Variants in ZNF431 observed in about 807,000 individuals in gnomAD.
ZNF431 encodes zinc finger protein 431.
In ZNF431, 34 loss-of-function variants were observed where a neutral mutation model predicts 57.0. The ratio of observed to expected loss-of-function variants is 0.60; its 90% confidence interval spans 0.45 to 0.79. ZNF431 has a LOEUF of 0.79. Ranked by LOEUF, ZNF431 falls within the 30% of genes least tolerant of loss-of-function variation. ZNF431 has a pLI of 0.00. For synonymous variants in ZNF431, 207 were observed against 220.3 expected (o/e 0.94, Z 0.54); for missense variants, 607 against 667.1 (o/e 0.91, Z 0.99).
chr19:21,154,026 AT>A lies in ZNF431; in HGVS notation c.96+10393del, dbSNP rs954029324. On this transcript the variant is annotated intron_variant, in intron 2 of 4. Transcript: ENST00000311048. ...CCGCCGCACCCATTGGGAGTCCCCA[AT>A]TTTTTTTTTATTATACTTTAAGTTT... Among the ~76,000 whole-genome samples, 144 of 151,068 alleles carry A rather than the reference AT, an allele frequency of 9.5e-4. 2 individuals are homozygous for A. The highest frequency in any genetic ancestry group is 3.4e-3 in the Middle Eastern group (1 of 290).
chr19:21,144,925 A>T (rs548271114), intron 2 of ZNF431, among the ~76,000 whole-genome samples: 2 of 152,212 alleles, frequency 1.3e-5, no homozygotes, highest in African/African-American at 4.8e-5. Flanking sequence ...GAAACTTGGT[A>T]TCACCTAGAA....
chr19:21,190,049 A>G lies in ZNF431; in HGVS notation c.*6015A>G, dbSNP rs568738776. ...CTGGGTGTGGTGGTGCAGGCCTGTA[A>G]TCTCAGCTACTCCAGAGGCTGAGGC... On this transcript the variant is annotated 3_prime_UTR_variant, in exon 5 of 5. Transcript: ENST00000311048. The G allele has an allele frequency of 3.1e-5, 12 of 384,272 alleles. 1 individual carries two copies. The Admixed American group carries it at 3.6e-4, about 12-fold the overall frequency. 23.8% of individuals were successfully genotyped at this position (384,272 alleles called of 1,614,324 possible).
intron 2 of ZNF431, chr19:21,149,931 C>T: frequency 1.7e-6 from 1 of 605,348 alleles, no homozygotes; most frequent in Non-Finnish European, 3.1e-6. Flanking sequence ...TGACACAGGG[C>T]AGGCAAGAAG....
intron 4 of ZNF431, among the ~76,000 whole-genome samples, chr19:21,173,763 A>G (rs1240019188): frequency 2.0e-5 from 3 of 151,906 alleles, no homozygotes; most frequent in East Asian, 1.9e-4. Context: ...CTGACCTCAG[A>G]TGATCCGTCC....
intron 4 of ZNF431, among the ~76,000 whole-genome samples, chr19:21,172,466 C>T (rs1194040948): frequency 6.7e-6 from 1 of 149,754 alleles, no homozygotes; most frequent in Non-Finnish European, 1.5e-5. Flanking sequence ...ACAATAAAAA[C>T]ACATAACATA....
intron 2 of ZNF431, among the ~76,000 whole-genome samples, chr19:21,145,787 T>C (rs1313030014): frequency 6.6e-6 from 1 of 152,030 alleles, no homozygotes; most frequent in Non-Finnish European, 1.5e-5. Flanking sequence ...AAACTGTAAG[T>C]ATTGGAAAGT....
chr19:21,149,904 A>G (rs1255570572), intron 2 of ZNF431: 1 of 625,144 alleles, frequency 1.6e-6, no homozygotes, highest in Admixed American at 2.1e-5. Flanking sequence ...ATAATGCAGT[A>G]AGGGACTCCC....
intron 4 of ZNF431, among the ~76,000 whole-genome samples, chr19:21,177,209 G>A (rs1356100044): frequency 1.3e-5 from 2 of 152,022 alleles, no homozygotes; most frequent in Non-Finnish European, 2.9e-5. Flanking sequence ...ATTTTTTATA[G>A]GCATAAGAAA....
chr19:21,158,168 A>T (rs1970472937), intron 2 of ZNF431, among the ~76,000 whole-genome samples: 1 of 152,012 alleles, frequency 6.6e-6, no homozygotes, highest in East Asian at 1.9e-4. Flanking sequence ...TGTGAGCATA[A>T]CATGTTTTTT....
At chr19:21,179,387 T>C (rs1971148267) in intron 4 of ZNF431, among the ~76,000 whole-genome samples, 1 of 152,090 alleles carries the variant, frequency 6.6e-6, no homozygotes, top group Non-Finnish European at 1.5e-5. Context: ...ATCTGGTTAT[T>C]TCTTGTCTTC....
At chr19:21,163,590 C>T (rs1009355791) in intron 2 of ZNF431, among the ~76,000 whole-genome samples, 3 of 152,122 alleles carry the variant, frequency 2.0e-5, no homozygotes, top group South Asian at 2.1e-4. Context: ...GGCACGATCT[C>T]GTCTCACTGC....
rs1970434046 is a variant in ZNF431, at chr19:21,156,989, G to A, written c.97-9346G>A. On this transcript the variant is annotated intron_variant, in intron 2 of 4. Coordinates refer to ENST00000311048, the MANE Select transcript of ZNF431 (RefSeq NM_133473.4). ...AGATGAGTTTTGCCATGTTGCCCAG[G>A]GTGGTCTTGAATGCTTGAGCTAAGG... is the stretch of plus-strand genomic sequence containing the variant. Among the ~76,000 whole-genome samples the A allele has an allele frequency of 2.6e-5, 4 of 152,044 alleles. No individual in the cohort carries two copies. In the South Asian group the frequency reaches 8.3e-4, roughly 32 times the overall value.
Position 21,142,142 on chromosome 19 carries a change from A to C in ZNF431, c.-42A>C. 1 of 1,611,728 alleles carries C rather than the reference A, an allele frequency of 6.2e-7. No individual in the cohort carries two copies. The highest frequency in any genetic ancestry group is 1.7e-5 in the Admixed American group (1 of 59,988). On this transcript the variant is annotated 5_prime_UTR_variant, in exon 1 of 5. Transcript: ENST00000311048. ...GGCCCTGTGACCTGCAGGTATTGGGAGACCCACAGCTAAGACACCGGGACC... is the reference window on the plus strand; with the variant it reads ...GGCCCTGTGACCTGCAGGTATTGGGCGACCCACAGCTAAGACACCGGGACC...
chr19:21,156,590 A>G (rs1245376515), intron 2 of ZNF431, among the ~76,000 whole-genome samples: 1 of 151,680 alleles, frequency 6.6e-6, no homozygotes, highest in East Asian at 1.9e-4. Flanking sequence ...TGTTATTATT[A>G]TTTAGCTCTT....
intron 2 of ZNF431, 134 bp from the exon 3 acceptor site, chr19:21,166,201 T>C (rs924908213): frequency 2.5e-5 from 34 of 1,346,214 alleles, no homozygotes; most frequent in Non-Finnish European, 3.3e-5. Flanking sequence ...TTAAAAATTA[T>C]TGGATAATTT....
chr19:21,174,014 C>T (rs990033348), intron 4 of ZNF431, among the ~76,000 whole-genome samples: 2 of 147,240 alleles, frequency 1.4e-5, no homozygotes, highest in Non-Finnish European at 3.0e-5. Flanking sequence ...GGTGCAATCT[C>T]GACGCACTGC....
intron 4 of ZNF431, among the ~76,000 whole-genome samples, chr19:21,168,007 A>G (rs989467054): frequency 6.6e-6 from 1 of 152,138 alleles, no homozygotes; most frequent in African/African-American, 2.4e-5. Context: ...TATAATTTTG[A>G]AAAATTCTTT....
intron 2 of ZNF431, among the ~76,000 whole-genome samples, chr19:21,158,989 C>T (rs1446736033): frequency 6.6e-6 from 1 of 152,114 alleles, no homozygotes; most frequent in Non-Finnish European, 1.5e-5. Context: ...GAAGTATGTA[C>T]CTTCAATGCC....
At chr19:21,144,724 G>GA (rs1332934407) in intron 2 of ZNF431, among the ~76,000 whole-genome samples, 3 of 152,060 alleles carry the variant, frequency 2.0e-5, no homozygotes, top group African/African-American at 4.8e-5. Flanking sequence ...AAAGAATAGG[G>GA]AAAAATCTCT....
Sources: gnomAD v4.1 joint callset for allele counts (sites outside exome capture counted in the v4.1 genomes callset) on GRCh38, gnomAD v4.1.1 for gene constraint, MANE v1.5 for transcripts, NCBI Gene and HGNC (gene_info 2026-07-23, HGNC 2026-07-21) for gene names.